Variants in SKAP2 observed in about 807,000 individuals in gnomAD.
The protein encoded by SKAP2 is src kinase-associated phosphoprotein 2.
In SKAP2, 28 loss-of-function variants were observed where a neutral mutation model predicts 54.9. The observed-to-expected ratio is 0.51, with a 90% CI of 0.38 to 0.70. The LOEUF (loss-of-function observed/expected upper bound fraction) is 0.70, where lower values mean the gene tolerates loss of function less well. SKAP2 is among the 30% of genes least tolerant of loss of function. SKAP2 has a pLI of 0.00. For synonymous variants in SKAP2, 137 were observed against 134.3 expected (o/e 1.02, Z -0.14); for missense variants, 356 against 424.1 (o/e 0.84, Z 1.41).
chr7:26,659,854 T>C, the SKAP2 span, among the ~76,000 whole-genome samples: 3 of 152,130 alleles, frequency 2.0e-5, no homozygotes, highest in Middle Eastern at 3.2e-3. Context: ...TCTTAATACA[T>C]AGCATTAGAA....
chr7:26,792,496 C>T (rs1584392512), intron 4 of SKAP2, among the ~76,000 whole-genome samples: 1 of 151,952 alleles, frequency 6.6e-6, no homozygotes, highest in East Asian at 1.9e-4. Context: ...ATAATTTAGT[C>T]TAATGAACAA....
rs1785125337 is a variant in SKAP2, at chr7:26,854,788, G to T, written c.170C>A (p.Ser57Tyr). 6.3e-7 allele frequency: 1 copy of T among 1,594,902 alleles called. No individual in the cohort carries two copies. The highest frequency in any genetic ancestry group is 1.1e-5 in the South Asian group (1 of 89,862). ...SLIKKIKDVK[S>Y]IYLQEFQDKG... ...AAACAAAAGGTAAGTGACTTACATA[G>T]ACTTTACATCTTTTATCTTCTTAAT... The change falls in exon 2 of 13, where the codon TCT becomes TAT. Residue 57 changes from serine (S) to tyrosine (Y), a missense_variant. Ser to Tyr is a moderately radical substitution (Grantham distance 144). Coordinates refer to ENST00000345317, the MANE Select transcript of SKAP2 (RefSeq NM_003930.5).
chr7:26,809,560 C>T (rs1784096302), intron 4 of SKAP2, among the ~76,000 whole-genome samples: 1 of 152,118 alleles, frequency 6.6e-6, no homozygotes, highest in Admixed American at 6.5e-5. Context: ...GAGATAACAC[C>T]TCACACCTGT....
chr7:26,803,894 AC>A (rs1318156753), intron 4 of SKAP2, among the ~76,000 whole-genome samples: 1 of 152,206 alleles, frequency 6.6e-6, no homozygotes, highest in Non-Finnish European at 1.5e-5. Flanking sequence ...GCATGTTCTC[AC>A]TTACTTGTGG....
At chr7:26,775,250 T>C (rs967318514) in intron 4 of SKAP2, among the ~76,000 whole-genome samples, 3 of 152,106 alleles carry the variant, frequency 2.0e-5, no homozygotes, top group Non-Finnish European at 2.9e-5. Context: ...CTCCACAACA[T>C]AAAAACATGA....
At chr7:26,820,353 T>G (rs1397774582) in intron 4 of SKAP2, among the ~76,000 whole-genome samples, 3 of 152,204 alleles carry the variant, frequency 2.0e-5, no homozygotes, top group Admixed American at 2.0e-4. Flanking sequence ...ATTTTCTGAA[T>G]TTAATGTGAC....
chr7:26,775,219 C>T (rs1023000289), intron 4 of SKAP2, among the ~76,000 whole-genome samples: 1 of 152,138 alleles, frequency 6.6e-6, no homozygotes, highest in Non-Finnish European at 1.5e-5. Context: ...ATCTCAATCT[C>T]TCCTTCTCCA....
intron 4 of SKAP2, among the ~76,000 whole-genome samples, chr7:26,789,834 T>A (rs941220133): frequency 2.0e-5 from 3 of 152,236 alleles, no homozygotes; most frequent in Non-Finnish European, 4.4e-5. Flanking sequence ...GCAGGTCTCA[T>A]CCTTCATTCC....
At chr7:26,740,815 G>A (rs1265396925) in intron 4 of SKAP2, among the ~76,000 whole-genome samples, 1 of 151,950 alleles carries the variant, frequency 6.6e-6, no homozygotes, top group Non-Finnish European at 1.5e-5. Context: ...GTGAAACCTG[G>A]TCTCTACTAA....
intron 4 of SKAP2, among the ~76,000 whole-genome samples, chr7:26,800,848 G>A (rs371550994): frequency 7.4e-4 from 113 of 152,232 alleles, no homozygotes; most frequent in Admixed American, 2.0e-3. Flanking sequence ...GATTGAAGCT[G>A]TAATAAAACA....
chr7:26,853,889 C>G lies in SKAP2; in HGVS notation c.199+248G>C, dbSNP rs1381404070. Among the ~76,000 whole-genome samples the G allele has an allele frequency of 3.3e-5, 5 of 152,132 alleles. No homozygotes were observed. In the East Asian group the frequency reaches 7.7e-4, roughly 23 times the overall value. On this transcript the variant is annotated intron_variant, in intron 3 of 12. Coordinates refer to ENST00000345317, the MANE Select transcript of SKAP2 (RefSeq NM_003930.5). Reference sequence around the variant, plus strand: ...CTGCCACAATGTACTCTAAGAAACACAAAACCTAAGAATGTTAAATGCCTA... The same window carrying G: ...CTGCCACAATGTACTCTAAGAAACAGAAAACCTAAGAATGTTAAATGCCTA...
At chr7:26,829,959 T>C (rs1784566642) in intron 4 of SKAP2, among the ~76,000 whole-genome samples, 1 of 152,210 alleles carries the variant, frequency 6.6e-6, no homozygotes, top group Non-Finnish European at 1.5e-5. Context: ...CAAATGTGCA[T>C]TATTCATAAT....
chr7:26,851,047 T>C (rs915380319), intron 3 of SKAP2, among the ~76,000 whole-genome samples: 2 of 151,880 alleles, frequency 1.3e-5, no homozygotes, highest in African/African-American at 4.8e-5. Flanking sequence ...CCCAAAAAAA[T>C]GGAAATACCA....
chr7:26,863,005 T>C (rs974555685), intron 1 of SKAP2, among the ~76,000 whole-genome samples: 2 of 152,168 alleles, frequency 1.3e-5, no homozygotes, highest in African/African-American at 4.8e-5. Flanking sequence ...AGTCATGTGA[T>C]GCAATAAAGC....
intron 4 of SKAP2, among the ~76,000 whole-genome samples, chr7:26,834,593 A>C (rs1250745832): frequency 1.3e-5 from 2 of 152,212 alleles, no homozygotes; most frequent in African/African-American, 4.8e-5. Context: ...TAGAAAATCT[A>C]AAAGAAATGG....
In SKAP2 at chr7:26,742,751, C is replaced by G. The variant is rs1169235852; in HGVS notation, c.308-2787G>C. Among the ~76,000 whole-genome samples the G allele has an allele frequency of 2.6e-5, 4 of 152,086 alleles. No homozygotes were observed. The East Asian group carries it at 7.7e-4, about 29-fold the overall frequency. ...TTAAAACACAAAAGTACACTAATAGCAATCCCTGTAAACACTTTAGATTTT... is the reference window on the plus strand; with the variant it reads ...TTAAAACACAAAAGTACACTAATAGGAATCCCTGTAAACACTTTAGATTTT... On this transcript the variant is annotated intron_variant, in intron 4 of 12. Coordinates refer to ENST00000345317, the MANE Select transcript of SKAP2 (RefSeq NM_003930.5).
At chr7:26,829,523 T>C (rs1784560709) in intron 4 of SKAP2, among the ~76,000 whole-genome samples, 1 of 151,970 alleles carries the variant, frequency 6.6e-6, no homozygotes, top group Non-Finnish European at 1.5e-5. Flanking sequence ...ACAGCTTGGG[T>C]GACAAAGCAA....
chr7:26,792,781 T>A (rs1460693259), intron 4 of SKAP2, among the ~76,000 whole-genome samples: 1 of 152,216 alleles, frequency 6.6e-6, no homozygotes, highest in Non-Finnish European at 1.5e-5. Flanking sequence ...TCTGAGCTAA[T>A]GACATCATTT....
At chr7:26,682,415 A>G (rs1786523268) in intron 11 of SKAP2, among the ~76,000 whole-genome samples, 1 of 152,204 alleles carries the variant, frequency 6.6e-6, no homozygotes, top group Non-Finnish European at 1.5e-5. Context: ...CTCATCAAGG[A>G]AAGCTAAATG....
Sources: gnomAD v4.1 joint callset for allele counts (sites outside exome capture counted in the v4.1 genomes callset) on GRCh38, gnomAD v4.1.1 for gene constraint, MANE v1.5 for transcripts, NCBI Gene and HGNC (gene_info 2026-07-23, HGNC 2026-07-21) for gene names.